The following BRD4 variants were observed in gnomAD, a reference collection of about 807,000 sequenced individuals.
BRD4 encodes bromodomain containing 4, also known as bromodomain-containing protein 4.
Under a neutral mutation model 142.1 loss-of-function variants are expected in BRD4, and 16 were observed. The ratio of observed to expected loss-of-function variants is 0.11; its 90% CI spans 0.08 to 0.17. The LOEUF (loss-of-function observed/expected upper bound fraction) is 0.17, where lower values mean the gene tolerates loss of function less well. BRD4 is among the 10% of genes least tolerant of loss of function. The pLI is 1.00. For synonymous variants in BRD4, 833 were observed against 707.5 expected, an observed-to-expected ratio of 1.18 and a Z score of -2.82; for missense variants, 1,424 against 1,810.9, an observed-to-expected ratio of 0.79 and a Z score of 3.88.
At chr19:15,316,054 G>A (rs1001081966) in intron 1 of BRD4, among the ~76,000 whole-genome samples, 11 of 150,404 alleles carry the variant, frequency 7.3e-5, no homozygotes, top group Non-Finnish European at 1.5e-4. Flanking sequence ...TACTTGGGAG[G>A]CCGAGGCAGA....
chr19:15,295,535 A>G (rs2047815854), intron 1 of BRD4, among the ~76,000 whole-genome samples: 1 of 152,196 alleles, frequency 6.6e-6, no homozygotes, highest in South Asian at 2.1e-4. Flanking sequence ...ATGCTGAGAA[A>G]CTAGATGCTT....
intron 7 of BRD4, among the ~76,000 whole-genome samples, chr19:15,260,903 C>CA (rs1041727055): frequency 1.3e-5 from 2 of 151,120 alleles, no homozygotes; most frequent in Non-Finnish European, 2.9e-5. Context: ...AAAAATGAGA[C>CA]AAAAATGAGG....
rs376346739 is a variant in BRD4 at position 15,239,572 on chromosome 19, C to T, written c.3446-50G>A. ...CCTGGCCCACCTCACCCCAGTGGGG[C>T]ATGGTCCACCAGCCCCACAGCAAGC... On this transcript the variant is annotated intron_variant, in intron 16 of 19. Transcript: ENST00000679869. The surrounding 1 kb of genome is among the most constrained non-coding windows in gnomAD (Gnocchi z 7.4). 2.5e-6 allele frequency: 4 copies of T among 1,572,094 alleles called. No individual in the cohort carries two copies. In the South Asian group the frequency reaches 4.7e-5, roughly 18 times the overall value.
chr19:15,330,159 G>A (rs1461531187), intron 1 of BRD4, among the ~76,000 whole-genome samples: 6 of 152,172 alleles, frequency 3.9e-5, no homozygotes, highest in African/African-American at 7.2e-5. Flanking sequence ...CAAGATACTC[G>A]GAGGTGGACT....
chr19:15,278,166 C>A (rs1201926383), intron 1 of BRD4, among the ~76,000 whole-genome samples: 1 of 138,262 alleles, frequency 7.2e-6, no homozygotes, highest in Admixed American at 7.4e-5. Flanking sequence ...ACAGGAGATG[C>A]AGGTAGTGAC....
chr19:15,286,969 T>C (rs2047744638), intron 1 of BRD4, among the ~76,000 whole-genome samples: 1 of 152,208 alleles, frequency 6.6e-6, no homozygotes, highest in South Asian at 2.1e-4. Context: ...GCCACAGGGA[T>C]GGGGAATACT....
intron 5 of BRD4, 66 bp downstream of exon 5, chr19:15,265,288 G>A (rs2047519754): frequency 7.2e-7 from 1 of 1,393,138 alleles, no homozygotes; most frequent in Non-Finnish European, 9.5e-7. Flanking sequence ...TCTGTGTAAA[G>A]CACGGGCAAG....
chr19:15,262,611 T>A (rs1453370866), intron 7 of BRD4, among the ~76,000 whole-genome samples: 2 of 150,220 alleles, frequency 1.3e-5, no homozygotes, highest in Non-Finnish European at 3.0e-5. Flanking sequence ...TAGTCCTAGA[T>A]ACTCGGGAGG....
chr19:15,286,536 A>T (rs373512463), intron 1 of BRD4, among the ~76,000 whole-genome samples: 4 of 152,316 alleles, frequency 2.6e-5, no homozygotes, highest in African/African-American at 9.6e-5. Context: ...ATTAACAGAG[A>T]AAGCAGGTAT....
intron 1 of BRD4, among the ~76,000 whole-genome samples, chr19:15,323,104 G>C (rs528174030): frequency 6.8e-6 from 1 of 146,646 alleles, no homozygotes; most frequent in South Asian, 2.2e-4. Context: ...TTAATTGGGA[G>C]GCTGAGGCAG....
At chr19:15,290,562 C>A (rs544978530) in intron 1 of BRD4, among the ~76,000 whole-genome samples, 2 of 152,140 alleles carry the variant, frequency 1.3e-5, no homozygotes, top group African/African-American at 4.8e-5. Context: ...GAACACCACC[C>A]AAACAGATGT....
chr19:15,248,677 G>C (rs2145536603), intron 11 of BRD4: 1 of 227,408 alleles, frequency 4.4e-6, no homozygotes, highest in Non-Finnish European at 8.7e-6. Flanking sequence ...GAGCCTTACA[G>C]GGCACCAGTG....
chr19:15,297,405 G>A (rs1365998621), intron 1 of BRD4, among the ~76,000 whole-genome samples: 1 of 152,026 alleles, frequency 6.6e-6, no homozygotes, highest in African/African-American at 2.4e-5. Flanking sequence ...AATAAACAAC[G>A]TACACACGAT....
chr19:15,240,661 G>A (rs1189843921), intron 14 of BRD4, among the ~76,000 whole-genome samples: 2 of 152,216 alleles, frequency 1.3e-5, no homozygotes, highest in African/African-American at 4.8e-5. Flanking sequence ...CCTGACACCT[G>A]CATCCAACCC....
At position 15,244,354 on chromosome 19, in the gene BRD4, T is replaced by C. The variant is rs202038315; in HGVS notation, c.2458A>G (p.Ile820Val). Residue 820 changes from isoleucine (I) to valine (V), a missense_variant, in exon 13 of 20, where the codon ATC becomes GTC. Around this residue, in one of 16 missense-constraint regions of BRD4, gnomAD observed 598 missense variants for 647.8 expected, o/e 0.92. Transcript: ENST00000679869. ...PQLPGSVFDP[I>V]GHFTQPILHL... ...AGGATGGGCTGGGTGAAGTGGCCGA[T>C]GGGGTCAAAGACGCTGCCTGGGAGC... 2.5e-4 allele frequency: 393 copies of C among 1,597,280 alleles called. 1 individual carries two copies. Among genetic ancestry groups the C allele is most frequent in the Non-Finnish European group, 3.3e-4 (385 of 1,176,006 alleles).
intron 11 of BRD4, 32 bp downstream of exon 11, chr19:15,254,120 T>C (rs764574082): frequency 2.5e-6 from 4 of 1,580,282 alleles, no homozygotes; most frequent in Non-Finnish European, 3.5e-6. Flanking sequence ...GGGAAGAGTT[T>C]GGTAAGACAC....
At chr19:15,327,242 A>C (rs962506323) in intron 1 of BRD4, among the ~76,000 whole-genome samples, 2 of 152,144 alleles carry the variant, frequency 1.3e-5, no homozygotes, top group African/African-American at 4.8e-5. Context: ...GAGAAACTAA[A>C]ACCTGTACGC....
chr19:15,326,494 T>C (rs953839363), intron 1 of BRD4, among the ~76,000 whole-genome samples: 2 of 151,882 alleles, frequency 1.3e-5, no homozygotes, highest in Non-Finnish European at 2.9e-5. Context: ...AATAAATAAA[T>C]AAAAATTAAA....
chr19:15,271,650 C>G (rs571195306), intron 2 of BRD4, among the ~76,000 whole-genome samples: 6 of 152,174 alleles, frequency 3.9e-5, no homozygotes, highest in African/African-American at 9.7e-5. Flanking sequence ...GTGAGCTCCC[C>G]CAACAGTCTC....
Sources: allele counts gnomAD v4.1 joint callset (sites outside exome capture counted in the v4.1 genomes callset), GRCh38; gene constraint gnomAD v4.1.1; regional missense constraint gnomAD v4.1.1; non-coding constraint Gnocchi (gnomAD v3.1); transcripts MANE v1.5; gene names NCBI Gene and HGNC (gene_info 2026-07-23, HGNC 2026-07-21).